Variants in SLC24A3 observed in about 807,000 individuals in gnomAD.
SLC24A3 encodes solute carrier family 24 member 3.
In SLC24A3, 28 loss-of-function variants were observed where a neutral mutation model predicts 75.8. The observed-to-expected ratio is 0.37, with a 90% CI of 0.27 to 0.51. The LOEUF (loss-of-function observed/expected upper bound fraction) is 0.51, where lower values mean the gene tolerates loss of function less well. Ranked by LOEUF, SLC24A3 falls within the 20% of genes least tolerant of loss-of-function variation. The probability of loss-of-function intolerance (pLI) is 0.94; values close to 1 mark genes in which losing one functional copy is unlikely to be tolerated. For synonymous variants in SLC24A3, 372 were observed against 334.1 expected (o/e 1.11, Z -1.24); for missense variants, 663 against 847.8 (o/e 0.78, Z 2.71).
intron 6 of SLC24A3, among the ~76,000 whole-genome samples, chr20:19,607,479 G>A (rs955906716): frequency 5.9e-5 from 9 of 152,122 alleles, no homozygotes; most frequent in Admixed American, 5.9e-4. Context: ...TCTGAGGCAG[G>A]CTCCAATTGG....
At chr20:19,573,693 G>A (rs950327485) in intron 3 of SLC24A3, among the ~76,000 whole-genome samples, 7 of 152,192 alleles carry the variant, frequency 4.6e-5, no homozygotes, top group Middle Eastern at 3.2e-3. Flanking sequence ...ATAAATGGCT[G>A]CTGCCATTCC....
intron 2 of SLC24A3, among the ~76,000 whole-genome samples, chr20:19,301,286 G>A (rs1054648162): frequency 8.5e-5 from 13 of 152,220 alleles, no homozygotes; most frequent in African/African-American, 2.4e-4. Flanking sequence ...GGAAGCTACT[G>A]TTAAGGGATT....
At chr20:19,415,839 TAATGTCTTAAATTA>T (rs71198016) in intron 2 of SLC24A3, among the ~76,000 whole-genome samples, 2 of 31,600 alleles carry the variant, frequency 6.3e-5, no homozygotes, top group African/African-American at 4.4e-4. Context: ...TTAGACTTCT[TAATGTCTTAAATTA>T]AATGTCTTAA....
At chr20:19,637,839 G>GT (rs1194439679) in intron 6 of SLC24A3, among the ~76,000 whole-genome samples, 2 of 152,168 alleles carry the variant, frequency 1.3e-5, no homozygotes, top group Non-Finnish European at 1.5e-5. Context: ...AAAGCTAATG[G>GT]TATGTGACAC....
At chr20:19,506,720 G>C (rs1402997472) in intron 2 of SLC24A3, among the ~76,000 whole-genome samples, 6 of 151,552 alleles carry the variant, frequency 4.0e-5, no homozygotes, top group Non-Finnish European at 5.9e-5. Context: ...ATTTCAAAGA[G>C]AGTCCCCTTG....
chr20:19,467,614 C>CT (rs1418049578), intron 2 of SLC24A3, among the ~76,000 whole-genome samples: 1 of 152,164 alleles, frequency 6.6e-6, no homozygotes, highest in African/African-American at 2.4e-5. Flanking sequence ...GGCATGGTGG[C>CT]TCATGCCTGT....
At chr20:19,280,912 G>A (rs546956002) in intron 1 of SLC24A3, 47 bp from the exon 2 acceptor site, 3 of 1,600,112 alleles carry the variant, frequency 1.9e-6, no homozygotes, top group African/African-American at 2.7e-5. Context: ...GGCAGAGGCT[G>A]AAACCCAGCT....
intron 2 of SLC24A3, among the ~76,000 whole-genome samples, chr20:19,450,612 G>A (rs950832946): frequency 3.3e-5 from 5 of 152,216 alleles, no homozygotes; most frequent in Admixed American, 1.3e-4. Flanking sequence ...AGCTCATAGA[G>A]TGTTTTTGTG....
Position 19,278,372 on chromosome 20 carries a change from G to A in SLC24A3, c.143-2587G>A, listed in dbSNP as rs546890437. ...TCCTGTCCTACTCTGCTCTTCTACC[G>A]ATTCTTCTTAGGATCACCTCCCGTA... On this transcript the variant is annotated intron_variant, in intron 1 of 16. Transcript: ENST00000328041. 5.3e-5 allele frequency among the ~76,000 whole-genome samples: 8 copies of A among 152,216 alleles called. No individual in the cohort carries two copies. The South Asian group carries it at 1.7e-3, about 32-fold the overall frequency.
At chr20:19,582,381 G>T (rs1260394694) in intron 4 of SLC24A3, among the ~76,000 whole-genome samples, 1 of 152,256 alleles carries the variant, frequency 6.6e-6, no homozygotes, top group Non-Finnish European at 1.5e-5. Flanking sequence ...TGTGAAAGAT[G>T]AGTGGGGAGA....
chr20:19,230,505 C>T (rs150008588), intron 1 of SLC24A3, among the ~76,000 whole-genome samples: 2 of 152,206 alleles, frequency 1.3e-5, no homozygotes, highest in African/African-American at 2.4e-5. Flanking sequence ...TTCCATCGCA[C>T]CTCTTTTCTA....
intron 6 of SLC24A3, among the ~76,000 whole-genome samples, chr20:19,629,434 T>C (rs570802665): frequency 6.6e-6 from 1 of 152,116 alleles, no homozygotes; most frequent in African/African-American, 2.4e-5. Flanking sequence ...AGTGGACCAA[T>C]GTACACATCA....
At chr20:19,558,365 G>T (rs192679847) in intron 3 of SLC24A3, among the ~76,000 whole-genome samples, 1 of 152,094 alleles carries the variant, frequency 6.6e-6, no homozygotes, top group Non-Finnish European at 1.5e-5. Context: ...ATAGCACAGA[G>T]AATTCTCTTA....
rs373511001 is a variant in SLC24A3 at position 19,527,143 on chromosome 20, C to A, written c.348+11579C>A. ...CTAGAAGTCATTTGCCTCCTGGAAGCTTTCTTTGACTTCCTATAAGGAAGA... is the reference window on the plus strand; with the variant it reads ...CTAGAAGTCATTTGCCTCCTGGAAGATTTCTTTGACTTCCTATAAGGAAGA... On this transcript the variant is annotated intron_variant, in intron 3 of 16. Coordinates refer to ENST00000328041, the MANE Select transcript of SLC24A3 (RefSeq NM_020689.4). 6.6e-5 allele frequency among the ~76,000 whole-genome samples: 10 copies of A among 152,230 alleles called. 2 individuals are homozygous for A.
At chr20:19,307,125 A>G (rs1279609679) in intron 2 of SLC24A3, among the ~76,000 whole-genome samples, 2 of 152,198 alleles carry the variant, frequency 1.3e-5, no homozygotes, top group African/African-American at 4.8e-5. Flanking sequence ...AATTTTGGCC[A>G]TTGCGTTTTC....
intron 14 of SLC24A3, among the ~76,000 whole-genome samples, chr20:19,698,111 GGAGGTGCTACAC>G (rs2032831751): frequency 6.6e-6 from 1 of 152,088 alleles, no homozygotes; most frequent in Non-Finnish European, 1.5e-5. Flanking sequence ...GAGGGTGGGG[GGAGGTGCTACAC>G]ATGTTTAAAT....
At chr20:19,691,459 G>C (rs2032744323) in intron 12 of SLC24A3, among the ~76,000 whole-genome samples, 1 of 152,202 alleles carries the variant, frequency 6.6e-6, no homozygotes, top group South Asian at 2.1e-4. Context: ...AGACCATGGT[G>C]GGGAGACCTG....
intron 2 of SLC24A3, among the ~76,000 whole-genome samples, chr20:19,445,749 TG>T (rs1176508288): frequency 3.9e-5 from 6 of 152,098 alleles, no homozygotes; most frequent in Non-Finnish European, 7.4e-5. Context: ...GAAGTGCCCT[TG>T]AGAGGGGAGG....
chr20:19,560,936 T>C (rs1046831084), intron 3 of SLC24A3, among the ~76,000 whole-genome samples: 7 of 152,266 alleles, frequency 4.6e-5, no homozygotes, highest in Non-Finnish European at 1.0e-4. Flanking sequence ...ATAATTAGAA[T>C]CATATGTACG....
Sources: allele counts gnomAD v4.1 joint callset (sites outside exome capture counted in the v4.1 genomes callset), GRCh38; gene constraint gnomAD v4.1.1; transcripts MANE v1.5; gene names NCBI Gene and HGNC (gene_info 2026-07-23, HGNC 2026-07-21).